Variants in SYT3 observed in about 807,000 individuals in gnomAD.
The protein encoded by SYT3 is synaptotagmin-3.
In SYT3, 25 loss-of-function variants were observed where a neutral mutation model predicts 50.6. The ratio of observed to expected loss-of-function variants is 0.49; its 90% CI spans 0.36 to 0.69. The LOEUF is 0.69. SYT3 is among the 30% of genes least tolerant of loss of function. The probability of loss-of-function intolerance (pLI) is 0.00; values close to 1 mark genes in which losing one functional copy is unlikely to be tolerated. For missense variants in SYT3, 589 were observed against 793.6 expected (o/e 0.74, Z 3.10); for synonymous variants, 323 against 353.9 (o/e 0.91, Z 0.98).
intron 3 of SYT3, among the ~76,000 whole-genome samples, chr19:50,636,483 T>C (rs1984498032): frequency 6.6e-6 from 1 of 152,178 alleles, no homozygotes; most frequent in South Asian, 2.1e-4. Flanking sequence ...ATCCTGCACA[T>C]GAGGTGCCAG....
At chr19:50,656,114 C>CA in the SYT3 span, 1 of 1,536,128 alleles carries the variant, frequency 6.5e-7, no homozygotes, top group Non-Finnish European at 8.7e-7. Flanking sequence ...GCAGGCCCAT[C>CA]AAATCCTCGT....
the SYT3 span, among the ~76,000 whole-genome samples, chr19:50,654,440 C>T: frequency 3.8e-3 from 585 of 152,064 alleles, 1 homozygote; most frequent in Non-Finnish European, 6.0e-3. Context: ...GTAGCTGGGA[C>T]TACAGGCACA....
Position 50,630,066 on chromosome 19 carries a change from G to A in SYT3, c.780C>T (p.Gly260=), listed in dbSNP as rs757767355. 18 of 1,613,774 alleles carry A rather than the reference G, an allele frequency of 1.1e-5. No individual in the cohort carries two copies. The highest frequency in any genetic ancestry group is 2.2e-5 in the South Asian group (2 of 91,026). The part of the protein sequence containing the change: ...PPALPLPLPG[G]EEKAKLIGQI... Reference sequence around the variant, plus strand: ...GCCCAATGAGTTTGGCTTTTTCCTCGCCTCCAGGCAGGGGTAAGGGCAGGG... The same window carrying A: ...GCCCAATGAGTTTGGCTTTTTCCTCACCTCCAGGCAGGGGTAAGGGCAGGG... The change falls in exon 5 of 11, where the codon GGC becomes GGT. Residue 260 remains glycine (G), a synonymous_variant. Transcript: ENST00000600079.
At chr19:50,648,249 C>T in the SYT3 span, among the ~76,000 whole-genome samples, 2 of 152,150 alleles carry the variant, frequency 1.3e-5, no homozygotes, top group African/African-American at 4.8e-5. Flanking sequence ...TCTAACAGGT[C>T]CAGCAAAAGT....
upstream of SYT3, among the ~76,000 whole-genome samples, chr19:50,644,796 G>A (rs1316919961): frequency 6.6e-6 from 1 of 152,002 alleles, no homozygotes; most frequent in African/African-American, 2.4e-5. Flanking sequence ...TGGAGAATTA[G>A]ATAAAGGATG....
At chr19:50,644,130 C>A (rs181828156), upstream of SYT3, among the ~76,000 whole-genome samples, 4 of 152,158 alleles carry the variant, frequency 2.6e-5, no homozygotes, top group Admixed American at 6.5e-5. Context: ...CAGTACCTGG[C>A]GCATGGTAGG....
the SYT3 span, among the ~76,000 whole-genome samples, chr19:50,651,204 G>A: frequency 6.6e-6 from 1 of 152,150 alleles, no homozygotes; most frequent in African/African-American, 2.4e-5. Flanking sequence ...GCCTCCAATG[G>A]CAATAAGCGC....
At chr19:50,641,782 G>A (rs1984687079), upstream of SYT3, among the ~76,000 whole-genome samples, 1 of 152,006 alleles carries the variant, frequency 6.6e-6, no homozygotes, top group Non-Finnish European at 1.5e-5. Context: ...GAAGGTGGAG[G>A]TTGCAGTCAG....
chr19:50,657,791 T>C, the SYT3 span, among the ~76,000 whole-genome samples: 2 of 152,220 alleles, frequency 1.3e-5, no homozygotes, highest in African/African-American at 4.8e-5. Flanking sequence ...TGATAGTAGA[T>C]GCTTTCCCAT....
intron 9 of SYT3, among the ~76,000 whole-genome samples, chr19:50,623,682 G>C (rs1983936066): frequency 6.9e-6 from 1 of 145,480 alleles, no homozygotes; most frequent in Non-Finnish European, 1.5e-5. Context: ...CACGCCTGTA[G>C]TCCCAGCTAC....
chr19:50,658,005 C>T, the SYT3 span: 1 of 1,531,662 alleles, frequency 6.5e-7, no homozygotes, highest in Non-Finnish European at 8.7e-7. Context: ...GAGGATTTTA[C>T]CCACCTGGAG....
At chr19:50,656,078 A>G in the SYT3 span, 1 of 1,536,140 alleles carries the variant, frequency 6.5e-7, no homozygotes, top group East Asian at 2.4e-5. Context: ...TGGAGACCCC[A>G]GAGGAGATGC....
At chr19:50,643,007 T>C (rs950244030), upstream of SYT3, among the ~76,000 whole-genome samples, 12 of 152,168 alleles carry the variant, frequency 7.9e-5, no homozygotes, top group Non-Finnish European at 1.5e-4. Context: ...AGTGAGGAAA[T>C]TGAGGCTCAC....
chr19:50,650,586 G>A, the SYT3 span, among the ~76,000 whole-genome samples: 5 of 152,080 alleles, frequency 3.3e-5, no homozygotes, highest in Admixed American at 6.5e-5. Context: ...CAGGAGAATC[G>A]CTTGAACCCA....
At chr19:50,653,227 T>C in the SYT3 span, among the ~76,000 whole-genome samples, 124,537 of 151,898 alleles carry the variant, frequency 0.82, 51,759 homozygotes, top group South Asian at 0.89. Context: ...TTAGTAGAGA[T>C]GGGATCTCAC....
intron 6 of SYT3, among the ~76,000 whole-genome samples, chr19:50,626,504 G>GT: frequency 4.3e-5 from 1 of 23,476 alleles, no homozygotes; most frequent in African/African-American, 9.5e-5. Context: ...CAGAGAGAGA[G>GT]GGGGGGGGAC....
At chr19:50,627,017 A>G (rs956036709) in intron 6 of SYT3, among the ~76,000 whole-genome samples, 2 of 152,130 alleles carry the variant, frequency 1.3e-5, no homozygotes, top group Admixed American at 6.5e-5. Flanking sequence ...ACACACACAC[A>G]TAAACCAGCC....
chr19:50,653,687 C>CAA, the SYT3 span, among the ~76,000 whole-genome samples: 2 of 3,346 alleles, frequency 6.0e-4, no homozygotes, highest in African/African-American at 1.7e-3. Context: ...AGACAGCACA[C>CAA]ACACACACAC....
In SYT3 at chr19:50,637,307, C is replaced by T. The variant is rs1170440958; in HGVS notation, c.105G>A (p.Glu35=). ...GATAGCCTCGGATTCGGTCATTGAA[C>T]TCCTGGCACCTGTCGTTGGTGTCAG... ...RDADTNDRCQ[E]FNDRIRGYPR... The change falls in exon 3 of 11, where the codon GAG becomes GAA. Residue 35 remains glutamate (E), a synonymous_variant. Coordinates refer to ENST00000600079, the MANE Select transcript of SYT3 (RefSeq NM_001160329.2). This position sits in a 1 kb window ranked among gnomAD's most constrained non-coding sequence, Gnocchi z 4.9. 1.2e-6 allele frequency: 2 copies of T among 1,613,556 alleles called. No individual in the cohort carries two copies. Among genetic ancestry groups the T allele is most frequent in the South Asian group, 2.2e-5 (2 of 91,064 alleles).
Sources: gnomAD v4.1 joint callset for allele counts (sites outside exome capture counted in the v4.1 genomes callset) on GRCh38, gnomAD v4.1.1 for gene constraint, Gnocchi (gnomAD v3.1) non-coding constraint, MANE v1.5 for transcripts, NCBI Gene and HGNC (gene_info 2026-07-23, HGNC 2026-07-21) for gene names.